ATL2: variants seen among roughly 807,000 people sequenced by gnomAD.
ATL2 encodes atlastin-2.
Under a neutral mutation model 73.9 loss-of-function variants are expected in ATL2, and 31 were observed. The observed-to-expected ratio is 0.42, with a 90% CI of 0.32 to 0.57. The LOEUF (loss-of-function observed/expected upper bound fraction) is 0.57, where lower values mean the gene tolerates loss of function less well. Among genes scored for constraint, ATL2 ranks in the 20% least tolerant of loss-of-function variants. The pLI, the probability that ATL2 is intolerant of heterozygous loss-of-function variation, is 0.14. For synonymous variants in ATL2, 291 were observed against 237.5 expected, an observed-to-expected ratio of 1.23 and a Z score of -2.07; for missense variants, 738 against 702.6, an observed-to-expected ratio of 1.05 and a Z score of -0.57.
chr2:38,351,107 T>C (rs1416405768), intron 1 of ATL2, among the ~76,000 whole-genome samples: 1 of 152,140 alleles, frequency 6.6e-6, no homozygotes, highest in Non-Finnish European at 1.5e-5. Context: ...TTGAAACAAA[T>C]TTTCATGGAA....
chr2:38,376,113 T>C, intron 1 of ATL2: 1 of 1,512,984 alleles, frequency 6.6e-7, no homozygotes, highest in Non-Finnish European at 8.9e-7. Context: ...TGGCCGTACT[T>C]ACCAAATCGT....
chr2:38,307,327 T>C (rs1372866414), intron 9 of ATL2, among the ~76,000 whole-genome samples: 1 of 151,814 alleles, frequency 6.6e-6, no homozygotes, highest in Non-Finnish European at 1.5e-5. Flanking sequence ...CAGAGCAATG[T>C]CCTGGAGGGT....
intron 2 of ATL2, among the ~76,000 whole-genome samples, chr2:38,334,921 T>TTTATATATTATAATATATAAATATA (rs1669257281): frequency 2.3e-5 from 3 of 132,884 alleles, no homozygotes; most frequent in African/African-American, 9.3e-5. Flanking sequence ...TATAAATATA[T>TTTATATATTATAATATATAAATATA]TTATATATTA....
intron 1 of ATL2, 104 bp downstream of exon 1, chr2:38,377,039 G>A (rs1001633158): frequency 4.7e-6 from 5 of 1,065,008 alleles, no homozygotes; most frequent in Non-Finnish European, 6.6e-6. Flanking sequence ...ACCTGAACCA[G>A]CCGCGGACTC....
intron 1 of ATL2, among the ~76,000 whole-genome samples, chr2:38,346,291 G>C (rs959086251): frequency 6.6e-6 from 1 of 151,988 alleles, no homozygotes; most frequent in Non-Finnish European, 1.5e-5. Flanking sequence ...TAATACTCTT[G>C]TCCTCTTACC....
At chr2:38,339,542 AT>A (rs1335533828) in intron 2 of ATL2, among the ~76,000 whole-genome samples, 2 of 152,210 alleles carry the variant, frequency 1.3e-5, no homozygotes, top group East Asian at 1.9e-4. Context: ...ACTTAAAAAA[AT>A]ATGACCTCTA....
At chr2:38,346,453 T>C (rs1670020680) in intron 1 of ATL2, among the ~76,000 whole-genome samples, 1 of 152,120 alleles carries the variant, frequency 6.6e-6, no homozygotes, top group South Asian at 2.1e-4. Flanking sequence ...CGCCAATCTC[T>C]GTTGCCTCTT....
intron 1 of ATL2, among the ~76,000 whole-genome samples, chr2:38,362,748 T>C (rs775488188): frequency 2.6e-4 from 39 of 152,220 alleles, no homozygotes; most frequent in Non-Finnish European, 4.1e-4. Context: ...CTTAGGAGTT[T>C]ACATCCTAAA....
At chr2:38,353,411 G>A (rs1285627130) in intron 1 of ATL2, among the ~76,000 whole-genome samples, 1 of 152,098 alleles carries the variant, frequency 6.6e-6, no homozygotes, top group Non-Finnish European at 1.5e-5. Flanking sequence ...CTGAAGTACA[G>A]AGAGAAAAAA....
intron 6 of ATL2, among the ~76,000 whole-genome samples, chr2:38,314,001 G>A (rs1441020815): frequency 1.3e-5 from 2 of 152,164 alleles, no homozygotes; most frequent in Non-Finnish European, 2.9e-5. Flanking sequence ...ATACTAGCCA[G>A]ACAAGAGTGA....
At chr2:38,296,249 CT>C in intron 12 of ATL2, 136 bp from the exon 13 acceptor site, 1 of 1,429,026 alleles carries the variant, frequency 7.0e-7, no homozygotes, top group Non-Finnish European at 9.1e-7. Context: ...AGATGCTTCT[CT>C]CAAAAAAACT....
chr2:38,354,836 G>C (rs911164986), intron 1 of ATL2, among the ~76,000 whole-genome samples: 1 of 152,130 alleles, frequency 6.6e-6, no homozygotes, highest in African/African-American at 2.4e-5. Flanking sequence ...GTTGCAGTGA[G>C]CCGAGATTGT....
chr2:38,346,096 G>C (rs1458103697), intron 1 of ATL2, among the ~76,000 whole-genome samples: 1 of 152,170 alleles, frequency 6.6e-6, no homozygotes, highest in Non-Finnish European at 1.5e-5. Flanking sequence ...CATCTGCTCT[G>C]GCACAGACTT....
intron 1 of ATL2, among the ~76,000 whole-genome samples, chr2:38,365,022 G>C (rs1047301946): frequency 2.7e-5 from 4 of 150,036 alleles, no homozygotes; most frequent in South Asian, 4.2e-4. Context: ...CCAGCCTGGG[G>C]TACAGAGCGA....
At chr2:38,308,447 T>C (rs1667571330) in intron 9 of ATL2, among the ~76,000 whole-genome samples, 1 of 152,046 alleles carries the variant, frequency 6.6e-6, no homozygotes, top group Non-Finnish European at 1.5e-5. Flanking sequence ...AGATGGTTAC[T>C]AGAGTCTAGG....
intron 2 of ATL2, among the ~76,000 whole-genome samples, chr2:38,339,570 G>GA (rs1213307953): frequency 2.0e-5 from 3 of 151,738 alleles, no homozygotes; most frequent in African/African-American, 4.8e-5. Flanking sequence ...TGTTAAAAAT[G>GA]AAAAAAACAC....
chr2:38,368,244 G>C (rs1379071295), intron 1 of ATL2, among the ~76,000 whole-genome samples: 1 of 145,760 alleles, frequency 6.9e-6, no homozygotes, highest in Non-Finnish European at 1.5e-5. Context: ...TCTAAAATAA[G>C]GACTTTTTTT....
rs1386993666 is a variant in ATL2 at position 38,343,526 on chromosome 2, A to G, written c.119-14T>C. On this transcript the variant is annotated splice_polypyrimidine_tract_variant and intron_variant, in intron 1 of 12. Transcript: ENST00000378954. Reference sequence around the variant, plus strand: ...CATAATTCTCACCTAGAATTTAAAAAGAAAGAAACTGGTTACTTTAATCCC... The same window carrying G: ...CATAATTCTCACCTAGAATTTAAAAGGAAAGAAACTGGTTACTTTAATCCC... The G allele has an allele frequency of 6.3e-7, 1 of 1,597,890 alleles. No homozygotes were observed. The highest frequency in any genetic ancestry group is 1.8e-5 in the Admixed American group (1 of 56,150).
At chr2:38,322,545 A>T (rs943031184) in intron 2 of ATL2, among the ~76,000 whole-genome samples, 1 of 152,208 alleles carries the variant, frequency 6.6e-6, no homozygotes, top group African/African-American at 2.4e-5. Context: ...AGTAAAAATA[A>T]ATTTTTATAA....
Sources: gnomAD v4.1 joint callset for allele counts (sites outside exome capture counted in the v4.1 genomes callset) on GRCh38, gnomAD v4.1.1 for gene constraint, MANE v1.5 for transcripts, NCBI Gene and HGNC (gene_info 2026-07-23, HGNC 2026-07-21) for gene names.